TET1: variants seen among roughly 807,000 people sequenced by gnomAD.
TET1 encodes tet methylcytosine dioxygenase 1.
In TET1, 13 loss-of-function variants were observed where a neutral mutation model predicts 148.7. The ratio of observed to expected loss-of-function variants is 0.09; its 90% CI spans 0.06 to 0.14. TET1 has a LOEUF of 0.14. Among genes scored for constraint, TET1 ranks in the 10% least tolerant of loss-of-function variants. TET1 has a pLI of 1.00. For missense variants in TET1, 2,182 were observed against 2,553.8 expected (o/e 0.85, Z 3.14); for synonymous variants, 907 against 937.2 (o/e 0.97, Z 0.59).
intron 3 of TET1, among the ~76,000 whole-genome samples, chr10:68,622,755 T>C (rs867137094): frequency 2.6e-4 from 40 of 151,144 alleles, no homozygotes; most frequent in African/African-American, 9.1e-4. Flanking sequence ...TTTAAGAAAA[T>C]TTTTGTAGAG....
At chr10:68,610,067 A>G (rs1019199227) in intron 3 of TET1, among the ~76,000 whole-genome samples, 4 of 152,096 alleles carry the variant, frequency 2.6e-5, no homozygotes, top group African/African-American at 9.7e-5. Flanking sequence ...GAGGATCACG[A>G]GGTCAGGAGA....
rs117483483 is a variant in TET1, at chr10:68,623,788, A to G, written c.1969-20910A>G. 5.7e-3 allele frequency among the ~76,000 whole-genome samples: 870 copies of G among 152,210 alleles called. 1 individual carries two copies. The highest frequency in any genetic ancestry group is 9.7e-3 in the Non-Finnish European group (663 of 68,004). ...ATTTAGCTGAGGTCTCACTTGCAAG[A>G]CTCAATATACTGATGCCTAAGTAGC... On this transcript the variant is annotated intron_variant, in intron 3 of 11. Transcript: ENST00000373644.
rs2054184580 is a variant in TET1 at position 68,610,071 on chromosome 10, C to T, written c.1968+9037C>T. Among the ~76,000 whole-genome samples, 6 of 152,092 alleles carry T rather than the reference C, an allele frequency of 3.9e-5. No individual in the cohort carries two copies. In the South Asian group the frequency reaches 1.2e-3, roughly 32 times the overall value. On this transcript the variant is annotated intron_variant, in intron 3 of 11. Coordinates refer to ENST00000373644, the MANE Select transcript of TET1 (RefSeq NM_030625.3). ...GGCCGAGACAGGAGGATCACGAGGT[C>T]AGGAGATCAAGATCATCCTGGCTAA...
intron 7 of TET1, among the ~76,000 whole-genome samples, chr10:68,671,449 T>C (rs143678032): frequency 4.6e-5 from 7 of 152,384 alleles, no homozygotes; most frequent in Admixed American, 1.3e-4. Flanking sequence ...TAATCTGTCA[T>C]TGATGGGCAA....
At chr10:68,667,359 G>A (rs780664573) in intron 7 of TET1, 103 bp downstream of exon 7, 69 of 963,230 alleles carry the variant, frequency 7.2e-5, no homozygotes, top group Non-Finnish European at 6.6e-5. Context: ...GGGAGAATAG[G>A]ATTTGAGTAT....
chr10:68,652,316 G>A (rs2054948140), intron 5 of TET1, among the ~76,000 whole-genome samples, 185 bp from the exon 6 acceptor site: 1 of 152,132 alleles, frequency 6.6e-6, no homozygotes, highest in Non-Finnish European at 1.5e-5. Flanking sequence ...GAGTAGGACT[G>A]GTTAACAAAT....
intron 7 of TET1, among the ~76,000 whole-genome samples, chr10:68,667,615 G>A (rs192802071): frequency 1.1e-4 from 17 of 152,010 alleles, no homozygotes; most frequent in East Asian, 9.7e-4. Flanking sequence ...GTGGTGGCGG[G>A]CGCCTACAGT....
intron 7 of TET1, among the ~76,000 whole-genome samples, chr10:68,667,588 C>G (rs2055211166): frequency 6.6e-6 from 1 of 151,702 alleles, no homozygotes; most frequent in South Asian, 2.1e-4. Context: ...ACTATAAATA[C>G]AAAAAATTAG....
chr10:68,645,505 T>C lies in TET1; in HGVS notation c.2776T>C (p.Leu926=). 1 of 1,614,068 alleles carries C rather than the reference T, an allele frequency of 6.2e-7. No individual in the cohort carries two copies. Among genetic ancestry groups the C allele is most frequent in the Non-Finnish European group, 8.5e-7 (1 of 1,180,052 alleles). The change falls in exon 4 of 12, where the codon TTG becomes CTG. Residue 926 remains leucine, a synonymous_variant. Coordinates refer to ENST00000373644, the MANE Select transcript of TET1 (RefSeq NM_030625.3). ...DEESEQRTAS[L]LNSCKAILYT... is the part of the protein sequence containing the mutation. ...GGAATCAGAGCAGAGAACAGCCAGTTTGCTTAATAGCTGCAAAGCTATCCT... is the reference window on the plus strand; with the variant it reads ...GGAATCAGAGCAGAGAACAGCCAGTCTGCTTAATAGCTGCAAAGCTATCCT...
At chr10:68,622,228 TCCTC>T (rs1356219540) in intron 3 of TET1, among the ~76,000 whole-genome samples, 2,155 of 80,960 alleles carry the variant, frequency 0.027, 29 homozygotes, top group African/African-American at 0.038. Flanking sequence ...CTTCCCTCCT[TCCTC>T]CCTTCCCTCC....
At chr10:68,660,049 G>A (rs3998859) in intron 6 of TET1, among the ~76,000 whole-genome samples, 27,692 of 151,994 alleles carry the variant, frequency 0.18, 3,147 homozygotes, top group African/African-American at 0.31. Flanking sequence ...GATTATTGAT[G>A]AAACTCAAAA....
intron 3 of TET1, among the ~76,000 whole-genome samples, chr10:68,632,191 G>A (rs1269192725): frequency 6.6e-6 from 1 of 151,882 alleles, no homozygotes; most frequent in African/African-American, 2.4e-5. Flanking sequence ...GCGTGGTGGC[G>A]GGCGCCTGTA....
At chr10:68,578,538 C>T (rs752534805) in intron 2 of TET1, among the ~76,000 whole-genome samples, 3 of 151,976 alleles carry the variant, frequency 2.0e-5, no homozygotes, top group Admixed American at 6.6e-5. Flanking sequence ...GATTACTGCG[C>T]GTGGCTGATT....
At chr10:68,632,853 G>A (rs2066343) in intron 3 of TET1, 159,722 of 504,320 alleles carry the variant, frequency 0.32, 22,481 homozygotes, top group Non-Finnish European at 0.35. Context: ...AAAAAAAAAA[G>A]AAAGAAAACA....
chr10:68,566,858 C>CT (rs113654164), intron 1 of TET1, among the ~76,000 whole-genome samples: 7,818 of 140,684 alleles, frequency 0.056, 238 homozygotes, highest in South Asian at 0.084. Flanking sequence ...TGCAAACAGG[C>CT]TTTTTTTTTT....
In TET1 at chr10:68,646,144, T is replaced by C. The variant is rs10998363; in HGVS notation, c.3415T>C (p.Leu1139=). 16,395 of 1,613,100 alleles carry C rather than the reference T, an allele frequency of 0.01. 1,413 individuals are homozygous for C. The African/African-American group carries it at 0.19, about 19-fold the overall frequency. ...SSVHNNHGSS[L]TKQKNPTQKK... ...TGTACACAATAATCATGGTTCATCA[T>C]TAACAAAACAAAAGAACCCAACCCA... Residue 1139 remains leucine, a synonymous_variant, in exon 4 of 12, where the codon TTA becomes CTA. Transcript: ENST00000373644.
At chr10:68,632,944 T>TA (rs375021561) in intron 3 of TET1, among the ~76,000 whole-genome samples, 2,448 of 148,776 alleles carry the variant, frequency 0.016, 58 homozygotes, top group African/African-American at 0.056. Flanking sequence ...ATTTGAATTT[T>TA]AAAAAAAAAA....
intron 1 of TET1, among the ~76,000 whole-genome samples, chr10:68,571,389 C>G (rs902078203): frequency 2.0e-5 from 3 of 151,998 alleles, no homozygotes; most frequent in Non-Finnish European, 4.4e-5. Flanking sequence ...CCGCAATCTC[C>G]GCCTCCTGGG....
intron 2 of TET1, among the ~76,000 whole-genome samples, chr10:68,596,027 C>CATATATATATATATATATATAT (rs1554932889): frequency 4.9e-5 from 3 of 61,762 alleles, no homozygotes; most frequent in African/African-American, 2.1e-4. Context: ...CACACACACA[C>CATATATATATATATATATATAT]ATATATATAT....
Sources: allele counts gnomAD v4.1 joint callset (sites outside exome capture counted in the v4.1 genomes callset), GRCh38; gene constraint gnomAD v4.1.1; transcripts MANE v1.5; gene names NCBI Gene and HGNC (gene_info 2026-07-23, HGNC 2026-07-21).